The following DCAKD variants were observed in gnomAD, a reference collection of about 807,000 sequenced individuals.
The protein encoded by DCAKD is dephospho-CoA kinase domain-containing protein.
A neutral mutation model predicts 18.7 loss-of-function variants in DCAKD; 15 were observed. The observed-to-expected ratio is 0.80, with a 90% CI of 0.54 to 1.24. The LOEUF (loss-of-function observed/expected upper bound fraction) is 1.24. Among genes scored for constraint, DCAKD ranks in the 50% most tolerant of loss-of-function variants. DCAKD has a pLI of 0.00. For synonymous variants in DCAKD, 130 were observed against 133.0 expected (o/e 0.98, Z 0.16); for missense variants, 301 against 322.0 (o/e 0.93, Z 0.50).
chr17:45,046,513 G>C (rs923973529), intron 1 of DCAKD, among the ~76,000 whole-genome samples: 2 of 151,750 alleles, frequency 1.3e-5, no homozygotes, highest in African/African-American at 4.8e-5. Context: ...CTACTCGGGA[G>C]GCTGAGGAAG....
At chr17:45,050,934 C>A (rs2053680591) in intron 1 of DCAKD, among the ~76,000 whole-genome samples, 1 of 152,216 alleles carries the variant, frequency 6.6e-6, no homozygotes, top group Admixed American at 6.5e-5. Context: ...GGCGTGAGAT[C>A]CACGCCGCCC....
At chr17:45,047,502 CTCTT>C (rs2053596453) in intron 1 of DCAKD, among the ~76,000 whole-genome samples, 1 of 135,594 alleles carries the variant, frequency 7.4e-6, no homozygotes, top group Non-Finnish European at 1.6e-5. Flanking sequence ...CCTGGCTAGT[CTCTT>C]TTTTTTTTTT....
At chr17:45,046,494 T>A (rs2053572142) in intron 1 of DCAKD, among the ~76,000 whole-genome samples, 1 of 151,514 alleles carries the variant, frequency 6.6e-6, no homozygotes, top group Non-Finnish European at 1.5e-5. Flanking sequence ...TGCGTGCCTG[T>A]AGTCCCAGCT....
chr17:45,036,999 G>A (rs762843522), intron 1 of DCAKD, among the ~76,000 whole-genome samples: 4 of 152,172 alleles, frequency 2.6e-5, no homozygotes, highest in Non-Finnish European at 5.9e-5. Context: ...GGAGGCAGCT[G>A]CTTGGATGTG....
intron 3 of DCAKD, 84 bp from the exon 4 acceptor site, chr17:45,030,263 A>G (rs1275687083): frequency 1.6e-6 from 2 of 1,280,256 alleles, no homozygotes. Flanking sequence ...CACCGTCCAG[A>G]GCGCCCAGCA....
chr17:45,042,544 C>T (rs2143307996), intron 1 of DCAKD, among the ~76,000 whole-genome samples: 1 of 152,364 alleles, frequency 6.6e-6, no homozygotes, highest in South Asian at 2.1e-4. Context: ...AACTGCTTTC[C>T]TAAGGGGGTG....
At chr17:45,060,468 G>A (rs1381986026) in intron 1 of DCAKD, among the ~76,000 whole-genome samples, 2 of 151,778 alleles carry the variant, frequency 1.3e-5, no homozygotes, top group Non-Finnish European at 2.9e-5. Context: ...GTGATCTTGA[G>A]CCATTGCGCT....
At chr17:45,061,129 A>G (rs2053847139), upstream of DCAKD, 4 of 1,354,274 alleles carry the variant, frequency 3.0e-6, no homozygotes, top group African/African-American at 4.4e-5. Flanking sequence ...TCCGGGTATC[A>G]GTGGCCCCGC....
chr17:45,036,556 A>G (rs1465512979), intron 1 of DCAKD, among the ~76,000 whole-genome samples: 2 of 152,076 alleles, frequency 1.3e-5, no homozygotes, highest in African/African-American at 2.4e-5. Context: ...TCTGCAGTCC[A>G]TGGTATGTTG....
chr17:45,036,313 G>A (rs942624087), intron 1 of DCAKD, among the ~76,000 whole-genome samples: 2 of 152,158 alleles, frequency 1.3e-5, no homozygotes, highest in African/African-American at 4.8e-5. Flanking sequence ...TGAGGAGATC[G>A]AGACCATCCT....
At chr17:45,033,011 AAAGT>A (rs1233907404) in intron 3 of DCAKD, among the ~76,000 whole-genome samples, 2 of 152,122 alleles carry the variant, frequency 1.3e-5, no homozygotes, top group Non-Finnish European at 2.9e-5. Context: ...CCCAACCTGT[AAAGT>A]AAGCATCAGG....
intron 1 of DCAKD, among the ~76,000 whole-genome samples, chr17:45,047,978 C>T (rs1176795953): frequency 6.6e-6 from 1 of 152,130 alleles, no homozygotes; most frequent in African/African-American, 2.4e-5. Flanking sequence ...ATTGTGACAA[C>T]TCAATCCAAA....
intron 1 of DCAKD, among the ~76,000 whole-genome samples, chr17:45,035,509 G>A (rs972882695): frequency 6.5e-5 from 9 of 137,546 alleles, no homozygotes; most frequent in East Asian, 6.5e-4. Context: ...AAAAGCAAAC[G>A]AACACTATAA....
intron 2 of DCAKD, 114 bp from the exon 3 acceptor site, chr17:45,034,504 C>T: frequency 8.2e-7 from 1 of 1,218,726 alleles, no homozygotes; most frequent in Admixed American, 2.2e-5. Context: ...TCAGGTGGAG[C>T]AAAAGCAAAA....
At position 45,046,303 on chromosome 17, in the gene DCAKD, G is replaced by C. The variant is rs71373531; in HGVS notation, c.-115+5058C>G. 2.7e-3 allele frequency among the ~76,000 whole-genome samples: 408 copies of C among 152,266 alleles called. 4 individuals are homozygous for C. The highest frequency in any genetic ancestry group is 9.5e-3 in the African/African-American group (394 of 41,550). On this transcript the variant is annotated intron_variant, in intron 1 of 4. Transcript: ENST00000651974. ...AGTGTAAGAGCAGCACTTTCTCAAAGTGAGGAAATGGAAGTTAAAAGAAGT... is the reference window on the plus strand; with the variant it reads ...AGTGTAAGAGCAGCACTTTCTCAAACTGAGGAAATGGAAGTTAAAAGAAGT...
intron 4 of DCAKD, 107 bp from the exon 5 acceptor site, chr17:45,024,831 T>G (rs2053021464): frequency 7.4e-7 from 1 of 1,358,250 alleles, no homozygotes; most frequent in Admixed American, 2.6e-5. Flanking sequence ...GCATGGGGAC[T>G]GGATCTTCCC....
At chr17:45,052,695 CAAAAAAA>C (rs111575713), upstream of DCAKD, among the ~76,000 whole-genome samples, 1 of 123,618 alleles carries the variant, frequency 8.1e-6, no homozygotes, top group African/African-American at 3.1e-5. Context: ...CCGATCTCTA[CAAAAAAA>C]AAAAACAAAA....
chr17:45,035,508 C>T (rs376689805), intron 1 of DCAKD, among the ~76,000 whole-genome samples: 2 of 138,262 alleles, frequency 1.4e-5, no homozygotes, highest in South Asian at 2.3e-4. Flanking sequence ...AAAAAGCAAA[C>T]GAACACTATA....
At chr17:45,052,704 AAAAC>A (rs2053732606), upstream of DCAKD, among the ~76,000 whole-genome samples, 1 of 151,804 alleles carries the variant, frequency 6.6e-6, no homozygotes, top group South Asian at 2.1e-4. Flanking sequence ...ACAAAAAAAA[AAAAC>A]AAAAAACAAA....
Sources: allele counts gnomAD v4.1 joint callset (sites outside exome capture counted in the v4.1 genomes callset), GRCh38; gene constraint gnomAD v4.1.1; transcripts MANE v1.5; gene names NCBI Gene and HGNC (gene_info 2026-07-23, HGNC 2026-07-21).